Variants in TRIM58 observed in about 807,000 individuals in gnomAD.
The protein encoded by TRIM58 is E3 ubiquitin-protein ligase TRIM58.
A neutral mutation model predicts 34.1 loss-of-function variants in TRIM58; 38 were observed. That is an observed-to-expected ratio of 1.12 (90% CI 0.86 to 1.46). The LOEUF (loss-of-function observed/expected upper bound fraction) is 1.46, where lower values mean the gene tolerates loss of function less well. TRIM58 is among the 40% of genes most tolerant of loss of function. The probability of loss-of-function intolerance (pLI) is 0.00; values close to 1 mark genes in which losing one functional copy is unlikely to be tolerated. For synonymous variants in TRIM58, 273 were observed against 275.7 expected (o/e 0.99, Z 0.10); for missense variants, 677 against 642.0 (o/e 1.05, Z -0.59).
intron 5 of TRIM58, among the ~76,000 whole-genome samples, chr1:247,872,089 C>T (rs921044931): frequency 2.0e-5 from 3 of 152,144 alleles, no homozygotes; most frequent in Middle Eastern, 3.4e-3. Context: ...ACAGGAGGGT[C>T]GGAGAGACCA....
chr1:247,862,126 C>T (rs940563856), intron 2 of TRIM58, among the ~76,000 whole-genome samples: 2 of 151,450 alleles, frequency 1.3e-5, no homozygotes, highest in African/African-American at 4.9e-5. Context: ...GAAACTCTGT[C>T]TCAGACAAAA....
Position 247,857,427 on chromosome 1 carries a change from C to T in TRIM58, c.181C>T (p.Arg61Trp), listed in dbSNP as rs1253384825. ...QGGVYACPQC[R>W]GPFRPSGFRP... ...CGGCGTCTACGCCTGTCCGCAGTGC[C>T]GGGGCCCCTTCCGGCCCTCGGGCTT... Residue 61 changes from arginine (R) to tryptophan (W), a missense_variant, in exon 1 of 6, where the codon CGG becomes TGG. Arg to Trp is a moderately radical substitution (Grantham distance 101). Coordinates refer to ENST00000366481, the MANE Select transcript of TRIM58 (RefSeq NM_015431.4). 2 of 1,470,744 alleles carry T rather than the reference C, an allele frequency of 1.4e-6. No individual in the cohort carries two copies. Among genetic ancestry groups the T allele is most frequent in the African/African-American group, 1.4e-5 (1 of 69,388 alleles). The allele number at this position is 1,470,744 out of a possible 1,614,324, so 91.1% of individuals were successfully genotyped here.
rs1282377943 is a variant in TRIM58 at position 247,857,406 on chromosome 1, G to C, written c.160G>C (p.Val54Leu). The C allele has an allele frequency of 6.6e-7, 1 of 1,509,246 alleles. No individual in the cohort carries two copies. Among genetic ancestry groups the C allele is most frequent in the South Asian group, 1.3e-5 (1 of 77,442 alleles). The allele number at this position is 1,509,246 out of a possible 1,614,324, so 93.5% of individuals were successfully genotyped here. A position where few individuals can be genotyped will look rare whatever the true frequency, so the allele number is the denominator to read the frequency against. Residue 54 changes from valine (V) to leucine (L), a missense_variant, in exon 1 of 6, where the codon GTC (valine) becomes CTC (leucine). By Grantham distance (32) the Val-to-Leu change is conservative. Transcript: ENST00000366481. ...GAAGTCGGACGGCGCGCAGGGCGGC[G>C]TCTACGCCTGTCCGCAGTGCCGGGG... Reference protein sequence around the residue: ...CEKSDGAQGGVYACPQCRGPF... With the variant: ...CEKSDGAQGGLYACPQCRGPF...
chr1:247,866,002 C>T (rs1663912005), intron 3 of TRIM58, among the ~76,000 whole-genome samples: 1 of 152,040 alleles, frequency 6.6e-6, no homozygotes, highest in Non-Finnish European at 1.5e-5. Flanking sequence ...GGCAGGGGAC[C>T]ATTAGATGAA....
At position 247,867,953 on chromosome 1, in the gene TRIM58, C is replaced by G. The variant is rs1405183784; in HGVS notation, c.771-10C>G. Reference sequence around the variant, plus strand: ...CCTGCTGACTTCTGTGGTTTCTGTGCTCTTCCCAGAAGTAAGGCTGTCACA... The same window carrying G: ...CCTGCTGACTTCTGTGGTTTCTGTGGTCTTCCCAGAAGTAAGGCTGTCACA... On this transcript the variant is annotated splice_polypyrimidine_tract_variant and intron_variant, in intron 4 of 5. Coordinates refer to ENST00000366481, the MANE Select transcript of TRIM58 (RefSeq NM_015431.4). The G allele has an allele frequency of 2.5e-6, 4 of 1,613,016 alleles. No individual in the cohort carries two copies. The highest frequency in any genetic ancestry group is 2.2e-5 in the South Asian group (2 of 90,918).
At chr1:247,857,819 T>C (rs75435981) in intron 1 of TRIM58, among the ~76,000 whole-genome samples, 153 bp downstream of exon 1, 5,824 of 151,836 alleles carry the variant, frequency 0.038, 383 homozygotes, top group African/African-American at 0.13. Flanking sequence ...CGCGGCTCAC[T>C]CAGTGTGGGT....
intron 1 of TRIM58, among the ~76,000 whole-genome samples, chr1:247,857,931 G>C (rs1040994917): frequency 2.6e-5 from 4 of 152,192 alleles, no homozygotes; most frequent in African/African-American, 4.8e-5. Flanking sequence ...ACTCGCGCTG[G>C]GCTGGTTTCT....
intron 5 of TRIM58, among the ~76,000 whole-genome samples, chr1:247,869,898 A>G (rs1217428318): frequency 2.0e-5 from 3 of 152,224 alleles, no homozygotes; most frequent in Non-Finnish European, 4.4e-5. Flanking sequence ...AGATGCTTAT[A>G]TACCTTTCTT....
chr1:247,858,018 A>G (rs981414459), intron 1 of TRIM58, among the ~76,000 whole-genome samples: 8 of 152,158 alleles, frequency 5.3e-5, no homozygotes, highest in East Asian at 1.9e-4. Flanking sequence ...CTTGGTAACA[A>G]TTGTACGTCT....
rs74797554 is a variant in TRIM58, at chr1:247,860,890, G to A, written c.516+178G>A. ...CCCTCAAATGATATGGTTCATTTTTGTTCTTTTTGTCTCTACTGCCATCAC... is the reference window on the plus strand; with the variant it reads ...CCCTCAAATGATATGGTTCATTTTTATTCTTTTTGTCTCTACTGCCATCAC... On this transcript the variant is annotated intron_variant, in intron 2 of 5. Transcript: ENST00000366481. Among the ~76,000 whole-genome samples the A allele has an allele frequency of 1.7e-3, 262 of 152,156 alleles. 3 individuals are homozygous for A. The Middle Eastern group carries it at 0.024, about 14-fold the overall frequency.
intron 3 of TRIM58, 41 bp from the exon 4 acceptor site, chr1:247,867,804 T>C (rs1663965019): frequency 1.2e-6 from 2 of 1,613,888 alleles, no homozygotes; most frequent in Non-Finnish European, 1.7e-6. Context: ...TGAAAAGCAG[T>C]TCAGAGTCCA....
In TRIM58 at chr1:247,872,613, T is replaced by C. The variant is rs556749131; in HGVS notation, c.872-3287T>C. ...TTGCTATCAAGTGGGCAGATGAATG[T>C]ACAATAGGGAGTTTCAGGGTAAAGT... On this transcript the variant is annotated intron_variant, in intron 5 of 5. Transcript: ENST00000366481. Among the ~76,000 whole-genome samples, 7 of 152,298 alleles carry C rather than the reference T, an allele frequency of 4.6e-5. No homozygotes were observed. The South Asian group carries it at 1.5e-3, about 32-fold the overall frequency.
intron 1 of TRIM58, among the ~76,000 whole-genome samples, chr1:247,859,295 C>T (rs1663722521): frequency 6.6e-6 from 1 of 152,054 alleles, no homozygotes; most frequent in African/African-American, 2.4e-5. Context: ...CCTGAGGGAG[C>T]TTTTCTTTAT....
At chr1:247,873,692 G>A (rs1257295424) in intron 5 of TRIM58, among the ~76,000 whole-genome samples, 2 of 152,306 alleles carry the variant, frequency 1.3e-5, no homozygotes, top group African/African-American at 4.8e-5. Flanking sequence ...ACTAGACCGG[G>A]CGTGGCAGCT....
chr1:247,860,600 G>A lies in TRIM58; in HGVS notation c.421-17G>A, dbSNP rs575288676. The A allele has an allele frequency of 1.9e-6, 3 of 1,601,738 alleles. No individual in the cohort carries two copies. Among genetic ancestry groups the A allele is most frequent in the Non-Finnish European group, 1.7e-6 (2 of 1,169,650 alleles). On this transcript the variant is annotated splice_polypyrimidine_tract_variant and intron_variant, in intron 1 of 5. Transcript: ENST00000366481. Reference sequence around the variant, plus strand: ...CAGATTGAGGGCATCTGTAACAGCTGAAATGTTCCCAAACAGGTAAAGCTC... The same window carrying A: ...CAGATTGAGGGCATCTGTAACAGCTAAAATGTTCCCAAACAGGTAAAGCTC...
In TRIM58 at chr1:247,869,881, G is replaced by A. The variant is rs372465020; in HGVS notation, c.871+1818G>A. Among the ~76,000 whole-genome samples the A allele has an allele frequency of 7.2e-5, 11 of 152,274 alleles. 1 individual carries two copies. Among genetic ancestry groups the A allele is most frequent in the African/African-American group, 2.4e-4 (10 of 41,550 alleles). ...GAGAGTAATGACCCAATAACGCAGT[G>A]GGATACAGATGCTTATATACCTTTC... On this transcript the variant is annotated intron_variant, in intron 5 of 5. Transcript: ENST00000366481.
At chr1:247,859,016 T>C (rs554426982) in intron 1 of TRIM58, among the ~76,000 whole-genome samples, 5 of 152,168 alleles carry the variant, frequency 3.3e-5, no homozygotes, top group East Asian at 1.9e-4. Flanking sequence ...CCATCCGCCG[T>C]GGCCTCCCAA....
chr1:247,863,348 A>G (rs1428574988), intron 2 of TRIM58, among the ~76,000 whole-genome samples: 4 of 152,016 alleles, frequency 2.6e-5, no homozygotes, highest in East Asian at 1.9e-4. Flanking sequence ...GACCAGCCTG[A>G]CCAATACGGT....
At chr1:247,863,202 T>TA (rs1414623875) in intron 2 of TRIM58, among the ~76,000 whole-genome samples, 1 of 152,200 alleles carries the variant, frequency 6.6e-6, no homozygotes, top group African/African-American at 2.4e-5. Flanking sequence ...AAAAAGGTGA[T>TA]AGCTCATGCC....
Sources: gnomAD v4.1 joint callset for allele counts (sites outside exome capture counted in the v4.1 genomes callset) on GRCh38, gnomAD v4.1.1 for gene constraint, MANE v1.5 for transcripts, NCBI Gene and HGNC (gene_info 2026-07-23, HGNC 2026-07-21) for gene names.